Variants in DOK6 observed in about 807,000 individuals in gnomAD.
DOK6 encodes the protein downstream of tyrosine kinase 6.
A neutral mutation model predicts 44.0 loss-of-function variants in DOK6; 22 were observed. The observed-to-expected ratio is 0.50, with a 90% CI of 0.36 to 0.71. The LOEUF is 0.71. DOK6 is among the 30% of genes least tolerant of loss of function. The pLI is 0.00. For synonymous variants in DOK6, 166 were observed against 145.5 expected, an observed-to-expected ratio of 1.14 and a Z score of -1.01; for missense variants, 340 against 416.4, an observed-to-expected ratio of 0.82 and a Z score of 1.60.
chr18:69,664,685 G>A (rs972455239), intron 3 of DOK6, among the ~76,000 whole-genome samples: 1 of 152,138 alleles, frequency 6.6e-6, no homozygotes, highest in Non-Finnish European at 1.5e-5. Flanking sequence ...CATTTAAAGG[G>A]AAACATATGG....
At chr18:69,420,709 T>C (rs551445976) in intron 1 of DOK6, among the ~76,000 whole-genome samples, 95 of 152,116 alleles carry the variant, frequency 6.2e-4, no homozygotes, top group Non-Finnish European at 9.4e-4. Context: ...TTACACTGAT[T>C]TCTAGCGCCT....
chr18:69,433,337 T>C (rs1445854116), intron 1 of DOK6, among the ~76,000 whole-genome samples: 3 of 152,314 alleles, frequency 2.0e-5, no homozygotes, highest in South Asian at 4.1e-4. Context: ...AAATATCTCA[T>C]TGTTAAGTTG....
intron 1 of DOK6, among the ~76,000 whole-genome samples, chr18:69,470,821 T>C (rs1284211182): frequency 6.6e-6 from 1 of 152,226 alleles, no homozygotes; most frequent in African/African-American, 2.4e-5. Context: ...CATGTGGTTG[T>C]TGACTTTGAC....
intron 3 of DOK6, among the ~76,000 whole-genome samples, chr18:69,628,334 A>G (rs1050106147): frequency 7.2e-5 from 11 of 152,164 alleles, no homozygotes; most frequent in African/African-American, 2.4e-4. Flanking sequence ...TTACTAAAAT[A>G]TAAAACTTAT....
At chr18:69,812,046 T>C (rs1034564553) in intron 7 of DOK6, among the ~76,000 whole-genome samples, 7 of 150,434 alleles carry the variant, frequency 4.7e-5, no homozygotes, top group Non-Finnish European at 1.5e-5. Flanking sequence ...AATACATACA[T>C]ACTCGAATAA....
At chr18:69,525,509 AATT>A (rs1981804695) in intron 1 of DOK6, among the ~76,000 whole-genome samples, 1 of 152,014 alleles carries the variant, frequency 6.6e-6, no homozygotes, top group African/African-American at 2.4e-5. Context: ...ATGAATGAGT[AATT>A]ATTCTCTTGT....
chr18:69,458,998 A>T lies in DOK6; in HGVS notation c.66+57688A>T, dbSNP rs557098958. On this transcript the variant is annotated intron_variant, in intron 1 of 7. Transcript: ENST00000382713. ...GTAATCCCAGCCACCTGGGAGGCTGAGGCAGGAGAATTGCTTGAACCTGGC... is the reference window on the plus strand; with the variant it reads ...GTAATCCCAGCCACCTGGGAGGCTGTGGCAGGAGAATTGCTTGAACCTGGC... Among the ~76,000 whole-genome samples the T allele has an allele frequency of 2.4e-3, 365 of 152,024 alleles. 1 individual carries two copies. The highest frequency in any genetic ancestry group is 4.5e-3 in the Non-Finnish European group (309 of 67,984).
At chr18:69,437,432 GT>G (rs1180719737) in intron 1 of DOK6, among the ~76,000 whole-genome samples, 2 of 152,040 alleles carry the variant, frequency 1.3e-5, no homozygotes, top group Non-Finnish European at 2.9e-5. Context: ...CCCATTGCTG[GT>G]TTTTTGTCAG....
At chr18:69,778,992 AC>A (rs1388314322) in intron 7 of DOK6, among the ~76,000 whole-genome samples, 2 of 152,194 alleles carry the variant, frequency 1.3e-5, no homozygotes, top group Non-Finnish European at 2.9e-5. Context: ...TGAATCTTTT[AC>A]AAAAATCAAG....
intron 7 of DOK6, among the ~76,000 whole-genome samples, chr18:69,818,332 C>A (rs931250341): frequency 8.5e-5 from 13 of 152,164 alleles, no homozygotes; most frequent in African/African-American, 3.1e-4. Context: ...TCCGTGGACA[C>A]CCCTGTGCAC....
intron 1 of DOK6, among the ~76,000 whole-genome samples, chr18:69,459,494 A>T (rs986085483): frequency 6.6e-6 from 1 of 152,156 alleles, no homozygotes; most frequent in African/African-American, 2.4e-5. Context: ...TTTCAATTTT[A>T]AAATAATTCA....
intron 5 of DOK6, 42 bp from the exon 6 acceptor site, chr18:69,738,923 A>T (rs8089018): frequency 1.2e-6 from 2 of 1,607,332 alleles, no homozygotes; most frequent in South Asian, 2.2e-5. Context: ...ATGCACTTGA[A>T]CACATGGAGA....
At chr18:69,634,276 A>C (rs1984754247) in intron 3 of DOK6, among the ~76,000 whole-genome samples, 1 of 152,238 alleles carries the variant, frequency 6.6e-6, no homozygotes, top group Non-Finnish European at 1.5e-5. Context: ...CATGAAGGTC[A>C]CATGAAATTT....
chr18:69,564,639 G>T, intron 2 of DOK6, 45 bp downstream of exon 2: 1 of 1,468,854 alleles, frequency 6.8e-7, no homozygotes, highest in South Asian at 1.2e-5. Flanking sequence ...CTGGGCCCTT[G>T]AAGACTTGTG....
At chr18:69,508,494 G>C (rs1185173507) in intron 1 of DOK6, among the ~76,000 whole-genome samples, 1 of 152,122 alleles carries the variant, frequency 6.6e-6, no homozygotes, top group Non-Finnish European at 1.5e-5. Context: ...AATTTTGTTG[G>C]AAAGTTTTTA....
intron 1 of DOK6, among the ~76,000 whole-genome samples, chr18:69,434,800 T>C (rs1219185797): frequency 1.3e-5 from 2 of 151,820 alleles, no homozygotes; most frequent in Non-Finnish European, 2.9e-5. Flanking sequence ...CACCCGCCTG[T>C]AATCCCAGCT....
At chr18:69,556,480 T>C (rs778291236) in intron 1 of DOK6, among the ~76,000 whole-genome samples, 5 of 152,122 alleles carry the variant, frequency 3.3e-5, no homozygotes, top group Non-Finnish European at 5.9e-5. Context: ...AAAAAAAAAT[T>C]AAAATAAAAA....
chr18:69,510,350 C>T (rs1981331311), intron 1 of DOK6, among the ~76,000 whole-genome samples: 1 of 152,072 alleles, frequency 6.6e-6, no homozygotes, highest in Non-Finnish European at 1.5e-5. Flanking sequence ...CAATCACTTA[C>T]CAGGGTATCT....
intron 6 of DOK6, among the ~76,000 whole-genome samples, chr18:69,739,896 T>C (rs1036853485): frequency 1.1e-4 from 16 of 152,196 alleles, no homozygotes; most frequent in African/African-American, 3.9e-4. Flanking sequence ...AAGTCTATTG[T>C]AGTTTAAGAA....
Sources: gnomAD v4.1 joint callset for allele counts (sites outside exome capture counted in the v4.1 genomes callset) on GRCh38, gnomAD v4.1.1 for gene constraint, MANE v1.5 for transcripts, NCBI Gene and HGNC (gene_info 2026-07-23, HGNC 2026-07-21) for gene names.